Variants in DOCK11 observed in about 807,000 individuals in gnomAD.
DOCK11 encodes dedicator of cytokinesis protein 11.
In DOCK11, 70 loss-of-function variants were observed where a neutral mutation model predicts 169.1. The observed-to-expected ratio is 0.41, with a 90% confidence interval of 0.34 to 0.51. The LOEUF is 0.51. Among genes scored for constraint, DOCK11 ranks in the 20% least tolerant of loss-of-function variants. The pLI, the probability that DOCK11 is intolerant of heterozygous loss-of-function variation, is 0.10. For missense variants in DOCK11, 1,166 were observed against 1,538.8 expected (o/e 0.76, Z 4.05); for synonymous variants, 529 against 541.3 (o/e 0.98, Z 0.32).
intron 13 of DOCK11, 82 bp downstream of exon 13, chrX:118,578,729 G>C: frequency 1.0e-6 from 1 of 959,473 alleles, no homozygotes; most frequent in Non-Finnish European, 1.4e-6. Context: ...CCATTGCTTT[G>C]AGCATGCTAT....
At chrX:118,513,641 A>G (rs1719848822) in intron 1 of DOCK11, among the ~76,000 whole-genome samples, 1 of 112,479 alleles carries the variant, frequency 8.9e-6, no homozygotes. Flanking sequence ...AGAGTTTACG[A>G]AATTATGTAA....
chrX:118,570,441 A>T (rs1461362794), intron 10 of DOCK11, among the ~76,000 whole-genome samples: 1 of 112,218 alleles, frequency 8.9e-6, no homozygotes, highest in Non-Finnish European at 1.9e-5. Flanking sequence ...GCCTCCACAG[A>T]TGGATATGTG....
At position 118,628,188 on chromosome X, in the gene DOCK11, T is replaced by A; in HGVS notation, c.3690T>A (p.His1230Gln). The change falls in exon 34 of 53, where the codon CAT becomes CAA. Residue 1230 changes from histidine to glutamine, a missense_variant. Physicochemically the swap from His to Gln is conservative, Grantham distance 24. Transcript: ENST00000276202. ...CTTATGGGTCTTTTCAAAATGGACATGGAATTAAGAGAGAAGATTCAAGAG... is the reference window on the plus strand; with the variant it reads ...CTTATGGGTCTTTTCAAAATGGACAAGGAATTAAGAGAGAAGATTCAAGAG... Reference protein sequence around the residue: ...DTAYGSFQNGHGIKREDSRGS... With the variant: ...DTAYGSFQNGQGIKREDSRGS... 1 of 1,204,193 alleles carries A rather than the reference T, an allele frequency of 8.3e-7. No individual in the cohort carries two copies. The highest frequency in any genetic ancestry group is 1.8e-5 in the South Asian group (1 of 55,839).
intron 44 of DOCK11, among the ~76,000 whole-genome samples, chrX:118,657,817 G>A (rs2147552886): frequency 9.0e-6 from 1 of 111,022 alleles, no homozygotes; most frequent in South Asian, 3.8e-4. Flanking sequence ...ATGATATAAT[G>A]GACTTTGGGG....
rs1056114916 is a variant in DOCK11, at chrX:118,596,078, CA to C, written c.2264-1351del. On this transcript the variant is annotated intron_variant, in intron 20 of 52. Transcript: ENST00000276202. ...TGTGTGGTATATCTGAATGAGGTCT[CA>C]ATAAAAATTTCTATTTAAAAATGTT... is the stretch of plus-strand genomic sequence containing the variant. Among the ~76,000 whole-genome samples the C allele has an allele frequency of 4.5e-5, 5 of 112,152 alleles. 1 individual carries two copies. The highest frequency in any genetic ancestry group is 9.7e-5 in the African/African-American group (3 of 30,839).
chrX:118,678,228 C>T (rs977156107), intron 48 of DOCK11, among the ~76,000 whole-genome samples: 2 of 111,999 alleles, frequency 1.8e-5, no homozygotes, highest in Non-Finnish European at 3.8e-5. Context: ...TCCTTGGACC[C>T]AACAATTTCA....
At chrX:118,624,417 A>G (rs1297905540) in intron 31 of DOCK11, 122 bp from the exon 32 acceptor site, 4 of 452,460 alleles carry the variant, frequency 8.8e-6, no homozygotes, top group East Asian at 7.9e-5. Context: ...TTCATGCTTC[A>G]GTAATTTGTT....
chrX:118,584,654 A>C, intron 14 of DOCK11, 81 bp from the exon 15 acceptor site: 1 of 954,523 alleles, frequency 1.0e-6, no homozygotes, highest in Non-Finnish European at 1.4e-6. Flanking sequence ...ACCATTTTAC[A>C]TCCCGACCAT....
intron 44 of DOCK11, among the ~76,000 whole-genome samples, chrX:118,656,965 T>A (rs67506854): frequency 0.14 from 15,777 of 111,521 alleles, 891 homozygotes; most frequent in Non-Finnish European, 0.17. Context: ...ATCTGAAGAT[T>A]TTTATGTCCA....
At chrX:118,622,570 G>T (rs150200301) in intron 31 of DOCK11, among the ~76,000 whole-genome samples, 49 of 111,358 alleles carry the variant, frequency 4.4e-4, no homozygotes, top group Non-Finnish European at 7.7e-4. Context: ...GAACTAAAAT[G>T]GACTCCTATT....
intron 1 of DOCK11, chrX:118,538,685 T>C (rs908334577): frequency 2.7e-5 from 20 of 750,632 alleles, no homozygotes; most frequent in Non-Finnish European, 3.0e-5. Flanking sequence ...TTGCTATTAT[T>C]TGAATGTTTA....
rs780541082 is a variant in DOCK11 at position 118,526,958 on chromosome X, C to T, written c.103-15767C>T. Among the ~76,000 whole-genome samples the T allele has an allele frequency of 9.8e-5, 11 of 111,805 alleles. No homozygotes were observed. In the South Asian group the frequency reaches 4.1e-3, roughly 41 times the overall value. On this transcript the variant is annotated intron_variant, in intron 1 of 52. Transcript: ENST00000276202. ...TTACACCAATCTTCCTCCTTAAACA[C>T]GATGGGACTCCAAAAACATATAAGT... is the stretch of plus-strand genomic sequence containing the variant.
intron 1 of DOCK11, among the ~76,000 whole-genome samples, chrX:118,504,304 C>T (rs1186486192): frequency 8.9e-6 from 1 of 111,810 alleles, no homozygotes; most frequent in Non-Finnish European, 1.9e-5. Flanking sequence ...CCACCCCCAA[C>T]CGGCTTTTTA....
At chrX:118,665,701 CATA>C (rs758548042) in intron 45 of DOCK11, among the ~76,000 whole-genome samples, 1 of 111,789 alleles carries the variant, frequency 8.9e-6, no homozygotes, top group African/African-American at 3.2e-5. Context: ...TTTCAGTTTG[CATA>C]ATAAGGCTTC....
intron 35 of DOCK11, chrX:118,633,377 G>A (rs1190158791): frequency 8.9e-6 from 1 of 112,070 alleles, no homozygotes; most frequent in African/African-American, 3.2e-5. Context: ...TTCTCCTGGG[G>A]AGATAGCGGA....
At chrX:118,564,776 C>A (rs1479158338) in intron 7 of DOCK11, among the ~76,000 whole-genome samples, 1 of 104,491 alleles carries the variant, frequency 9.6e-6, no homozygotes, top group African/African-American at 3.5e-5. Context: ...TTCTTTCTTT[C>A]TTTCCTTCTT....
At chrX:118,540,494 T>C (rs1291433710) in intron 1 of DOCK11, among the ~76,000 whole-genome samples, 2 of 111,871 alleles carry the variant, frequency 1.8e-5, no homozygotes, top group Non-Finnish European at 3.8e-5. Flanking sequence ...CATTTTGCAG[T>C]AGTATTTGCA....
chrX:118,560,478 C>T (rs2012870514), intron 6 of DOCK11, among the ~76,000 whole-genome samples: 1 of 112,019 alleles, frequency 8.9e-6, no homozygotes, highest in Admixed American at 9.5e-5. Flanking sequence ...CTCTTCCCAT[C>T]TCACCCTGAA....
At chrX:118,684,827 A>T (rs2016823028) in intron 52 of DOCK11, among the ~76,000 whole-genome samples, 1 of 111,837 alleles carries the variant, frequency 8.9e-6, no homozygotes, top group Admixed American at 9.6e-5. Context: ...TATAAATTTT[A>T]TTTAAGCCTT....
Sources: gnomAD v4.1 joint callset for allele counts (sites outside exome capture counted in the v4.1 genomes callset) on GRCh38, gnomAD v4.1.1 for gene constraint, MANE v1.5 for transcripts, NCBI Gene and HGNC (gene_info 2026-07-23, HGNC 2026-07-21) for gene names.